Variants in ROBO1 observed in about 807,000 individuals in gnomAD.
ROBO1 encodes the protein roundabout guidance receptor 1.
In ROBO1, 149 loss-of-function variants were observed where a neutral mutation model predicts 195.9. That is an observed-to-expected ratio of 0.76 (90% CI 0.67 to 0.87). ROBO1 has a LOEUF of 0.87. ROBO1 is among the 40% of genes least tolerant of loss of function. The probability of loss-of-function intolerance (pLI) is 0.00; values close to 1 mark genes in which losing one functional copy is unlikely to be tolerated. For synonymous variants in ROBO1, 816 were observed against 733.2 expected, an observed-to-expected ratio of 1.11 and a Z score of -1.82; for missense variants, 1,933 against 2,068.3, an observed-to-expected ratio of 0.93 and a Z score of 1.27.
At chr3:79,437,842 GA>G (rs2038936621) in intron 2 of ROBO1, among the ~76,000 whole-genome samples, 1 of 151,674 alleles carries the variant, frequency 6.6e-6, no homozygotes, top group Non-Finnish European at 1.5e-5. Flanking sequence ...ATTTAATGTG[GA>G]AAAATTCAAG....
intron 2 of ROBO1, among the ~76,000 whole-genome samples, chr3:79,155,439 C>T (rs762223936): frequency 6.6e-6 from 1 of 151,574 alleles, no homozygotes; most frequent in Non-Finnish European, 1.5e-5. Context: ...AAACTTTTTC[C>T]AAAAATAAGA....
chr3:78,997,200 C>CA (rs2077387920), intron 3 of ROBO1, among the ~76,000 whole-genome samples: 1 of 152,092 alleles, frequency 6.6e-6, no homozygotes, highest in Admixed American at 6.6e-5. Context: ...CCAACTTTGC[C>CA]AAAAGAAGGA....
intron 2 of ROBO1, among the ~76,000 whole-genome samples, chr3:79,317,134 C>T (rs1458060735): frequency 8.5e-5 from 13 of 152,064 alleles, no homozygotes. Flanking sequence ...ATAAGAATTC[C>T]CATTTCCTAA....
intron 4 of ROBO1, among the ~76,000 whole-genome samples, chr3:78,871,187 T>A (rs1449749609): frequency 6.6e-6 from 1 of 151,728 alleles, no homozygotes; most frequent in African/African-American, 2.4e-5. Flanking sequence ...CCCATGCGAG[T>A]GTGAATGTTT....
intron 4 of ROBO1, among the ~76,000 whole-genome samples, chr3:78,934,448 T>A (rs566874324): frequency 2.0e-5 from 3 of 152,076 alleles, no homozygotes; most frequent in African/African-American, 7.2e-5. Context: ...GTACTTTTTT[T>A]AAAAGACAAA....
At chr3:78,937,717 A>C (rs2039887716) in intron 4 of ROBO1, among the ~76,000 whole-genome samples, 1 of 152,194 alleles carries the variant, frequency 6.6e-6, no homozygotes, top group Non-Finnish European at 1.5e-5. Context: ...AGTGTAAATA[A>C]ACTGAACCAT....
intron 2 of ROBO1, among the ~76,000 whole-genome samples, chr3:79,411,158 G>A (rs559248572): frequency 2.2e-4 from 34 of 152,116 alleles, no homozygotes; most frequent in African/African-American, 6.3e-4. Context: ...ACACACGCAC[G>A]CACATTTCCA....
intron 2 of ROBO1, among the ~76,000 whole-genome samples, chr3:79,303,895 T>C (rs1260200449): frequency 6.6e-6 from 1 of 151,956 alleles, no homozygotes. Flanking sequence ...GGTCAAAGCA[T>C]AGTTTAATGT....
Position 79,122,774 on chromosome 3 carries a change from A to G in ROBO1, c.172+2682T>C, listed in dbSNP as rs373071294. 1.4e-4 allele frequency among the ~76,000 whole-genome samples: 21 copies of G among 152,074 alleles called. 1 individual carries two copies. The highest frequency in any genetic ancestry group is 4.3e-4 in the African/African-American group (18 of 41,558). Reference sequence around the variant, plus strand: ...GATAATTAGGGGAATGTAAATGGGAATTTTAGTGAAATAATGATCTTCTTC... The same window carrying G: ...GATAATTAGGGGAATGTAAATGGGAGTTTTAGTGAAATAATGATCTTCTTC... On this transcript the variant is annotated intron_variant, in intron 3 of 30. Transcript: ENST00000464233.
At chr3:78,782,486 TG>T (rs1383559823) in intron 4 of ROBO1, among the ~76,000 whole-genome samples, 3 of 152,134 alleles carry the variant, frequency 2.0e-5, no homozygotes, top group Non-Finnish European at 2.9e-5. Context: ...CATGAGCTAC[TG>T]TGCCTGGCCC....
intron 4 of ROBO1, among the ~76,000 whole-genome samples, chr3:78,909,657 C>G (rs2038131131): frequency 6.6e-6 from 1 of 151,636 alleles, no homozygotes; most frequent in Non-Finnish European, 1.5e-5. Context: ...AACCTGAAAA[C>G]TAATCAATTA....
intron 18 of ROBO1, among the ~76,000 whole-genome samples, chr3:78,652,783 A>C (rs1169875322): frequency 6.6e-6 from 1 of 152,230 alleles, no homozygotes; most frequent in Non-Finnish European, 1.5e-5. Flanking sequence ...ATATATGGGT[A>C]ATAAAATTAA....
chr3:79,173,424 A>G (rs1210277047), intron 2 of ROBO1, among the ~76,000 whole-genome samples: 1 of 151,020 alleles, frequency 6.6e-6, no homozygotes, highest in Non-Finnish European at 1.5e-5. Context: ...GCGGGCCCGC[A>G]CTCCGAGCAG....
chr3:79,125,704 C>T (rs2080203304), intron 2 of ROBO1, among the ~76,000 whole-genome samples, 165 bp from the exon 3 acceptor site: 1 of 152,146 alleles, frequency 6.6e-6, no homozygotes, highest in African/African-American at 2.4e-5. Flanking sequence ...GCACACTAAG[C>T]CCTGCGAAGG....
chr3:78,598,931 T>TAA lies in ROBO1; in HGVS notation c.4942-6_4942-5dup. On this transcript the variant is annotated splice_region_variant and splice_polypyrimidine_tract_variant and intron_variant, in intron 30 of 30. Coordinates refer to ENST00000464233, the MANE Select transcript of ROBO1 (RefSeq NM_002941.4). Reference sequence around the variant, plus strand: ...GTTGTCTTCAGCTTTCAGTTTCCTGTAAGAGATACGTTATTGTCACATTTG... The same window carrying TAA: ...GTTGTCTTCAGCTTTCAGTTTCCTGTAAAAGAGATACGTTATTGTCACATTTG... 6.4e-7 allele frequency: 1 copy of TAA among 1,561,680 alleles called. No individual in the cohort carries two copies. The highest frequency in any genetic ancestry group is 8.7e-7 in the Non-Finnish European group (1 of 1,145,638).
chr3:79,116,004 T>C (rs1367002670), intron 3 of ROBO1, among the ~76,000 whole-genome samples: 1 of 152,190 alleles, frequency 6.6e-6, no homozygotes, highest in Admixed American at 6.5e-5. Context: ...AACTGCCTTA[T>C]GAGGTTAAAG....
chr3:79,635,293 C>A (rs1201553096), intron 1 of ROBO1, among the ~76,000 whole-genome samples: 1 of 152,124 alleles, frequency 6.6e-6, no homozygotes, highest in East Asian at 1.9e-4. Flanking sequence ...ATATACATTT[C>A]ACAAATCTGG....
In ROBO1 at chr3:78,800,090, G is replaced by A. The variant is rs551616406; in HGVS notation, c.500-53190C>T. Among the ~76,000 whole-genome samples the A allele has an allele frequency of 5.3e-5, 8 of 152,226 alleles. No individual in the cohort carries two copies. The East Asian group carries it at 1.2e-3, about 22-fold the overall frequency. On this transcript the variant is annotated intron_variant, in intron 4 of 30. Coordinates refer to ENST00000464233, the MANE Select transcript of ROBO1 (RefSeq NM_002941.4). ...CTCACAGTAAAAATGTGCTGCTCAC[G>A]TTCCTAGAGGATTTTATCATGGCAT...
chr3:79,712,534 A>C (rs1416957462), intron 1 of ROBO1, among the ~76,000 whole-genome samples: 1 of 152,162 alleles, frequency 6.6e-6, no homozygotes, highest in African/African-American at 2.4e-5. Context: ...GTTTAAGAAA[A>C]GAAGTTGTCT....
Sources: gnomAD v4.1 joint callset for allele counts (sites outside exome capture counted in the v4.1 genomes callset) on GRCh38, gnomAD v4.1.1 for gene constraint, MANE v1.5 for transcripts, NCBI Gene and HGNC (gene_info 2026-07-23, HGNC 2026-07-21) for gene names.